Variants in NOL4L observed in about 807,000 individuals in gnomAD.
NOL4L encodes the protein nucleolar protein 4-like.
NOL4L carries 7 observed loss-of-function variants against 64.5 expected under a neutral mutation model. The observed-to-expected ratio is 0.11, with a 90% CI of 0.06 to 0.20. The LOEUF (loss-of-function observed/expected upper bound fraction) is 0.20, where lower values mean the gene tolerates loss of function less well. Among genes scored for constraint, NOL4L ranks in the 10% least tolerant of loss-of-function variants. NOL4L has a pLI of 1.00. For synonymous variants in NOL4L, 413 were observed against 401.0 expected, an observed-to-expected ratio of 1.03 and a Z score of -0.36; for missense variants, 680 against 967.1, an observed-to-expected ratio of 0.70 and a Z score of 3.94.
At position 32,527,884 on chromosome 20, in the gene NOL4L, G is replaced by A; in HGVS notation, c.351C>T (p.Gly117=). Residue 117 remains glycine, a synonymous_variant, in exon 2 of 11, where the codon GGC becomes GGT. Transcript: ENST00000621426. ...CCACAGCGACCCGCTTCAGAGAGAT[G>A]CCCTCTGGCTCCGACAGGCCATCTG... ...SGADGLSEPE[G]ISLKRVAVVE... 1.3e-6 allele frequency: 2 copies of A among 1,550,558 alleles called. No individual in the cohort carries two copies. The highest frequency in any genetic ancestry group is 1.2e-5 in the South Asian group (1 of 84,068).
At chr20:32,549,496 T>G (rs1352987634) in intron 1 of NOL4L, among the ~76,000 whole-genome samples, 4 of 152,298 alleles carry the variant, frequency 2.6e-5, no homozygotes, top group African/African-American at 4.8e-5. Flanking sequence ...CTCATGCCTG[T>G]GATCCTAGCA....
At chr20:32,520,989 C>A in intron 2 of NOL4L, 67 bp from the exon 3 acceptor site, 1 of 1,059,222 alleles carries the variant, frequency 9.4e-7, no homozygotes, top group Non-Finnish European at 1.4e-6. Flanking sequence ...ATGGGGTCAC[C>A]AAGGTCTGAG....
At chr20:32,559,636 A>G (rs1978875045) in intron 1 of NOL4L, among the ~76,000 whole-genome samples, 1 of 152,162 alleles carries the variant, frequency 6.6e-6, no homozygotes, top group African/African-American at 2.4e-5. Context: ...CAAATAGCGG[A>G]GCAGGGATTG....
chr20:32,575,536 T>C (rs1433954676), intron 1 of NOL4L, among the ~76,000 whole-genome samples: 1 of 152,206 alleles, frequency 6.6e-6, no homozygotes, highest in Non-Finnish European at 1.5e-5. Context: ...GCCCTGGGGC[T>C]GCTCAGGGCC....
At chr20:32,497,488 A>C (rs1568658231) in intron 4 of NOL4L, among the ~76,000 whole-genome samples, 1 of 152,248 alleles carries the variant, frequency 6.6e-6, no homozygotes, top group East Asian at 1.9e-4. Context: ...AAGCAAGGAA[A>C]ACCAGGGACG....
intron 1 of NOL4L, among the ~76,000 whole-genome samples, chr20:32,578,677 C>A (rs1275234371): frequency 6.6e-6 from 1 of 152,214 alleles, no homozygotes; most frequent in Non-Finnish European, 1.5e-5. Flanking sequence ...GACAGCAGAG[C>A]CTTTTCCAGT....
At chr20:32,476,024 G>A (rs1231842137) in intron 4 of NOL4L, among the ~76,000 whole-genome samples, 3 of 151,964 alleles carry the variant, frequency 2.0e-5, no homozygotes, top group Admixed American at 6.6e-5. Flanking sequence ...GTCCCCACGC[G>A]GCACACCCAG....
At chr20:32,513,446 G>C (rs570516759) in intron 3 of NOL4L, among the ~76,000 whole-genome samples, 5 of 152,336 alleles carry the variant, frequency 3.3e-5, no homozygotes, top group African/African-American at 1.2e-4. Flanking sequence ...CTGGGGACTG[G>C]TGGCTGAGGG....
At chr20:32,562,944 AG>A (rs1412065894) in intron 1 of NOL4L, among the ~76,000 whole-genome samples, 1 of 1,134 alleles carries the variant, frequency 8.8e-4, no homozygotes, top group Non-Finnish European at 1.4e-3. Flanking sequence ...AGGAGGGTGG[AG>A]GGGAGGGAGG....
At chr20:32,472,198 ATGTT>A (rs933628032) in intron 5 of NOL4L, among the ~76,000 whole-genome samples, 1 of 152,152 alleles carries the variant, frequency 6.6e-6, no homozygotes, top group African/African-American at 2.4e-5. Flanking sequence ...GTCTCAGTAA[ATGTT>A]TGTTCGTTTG....
chr20:32,453,270 G>A lies in NOL4L; in HGVS notation c.1497+34C>T, dbSNP rs181863721. The A allele has an allele frequency of 3.6e-4, 584 of 1,601,534 alleles. 13 individuals carry two copies. In the East Asian group the frequency reaches 0.012, roughly 32 times the overall value. The stretch of plus-strand genomic sequence containing the variant: ...GTGGCAGGAGGTCAGTAGTGGCACC[G>A]AGGGAAAGTGTGGGCCAGGCAGGGG... On this transcript the variant is annotated intron_variant, in intron 8 of 10. Coordinates refer to ENST00000621426, the MANE Select transcript of NOL4L (RefSeq NM_001256798.2). This position sits in a 1 kb window ranked among gnomAD's most constrained non-coding sequence, Gnocchi z 5.6.
intron 10 of NOL4L, chr20:32,451,761 G>C (rs2012927336): frequency 6.5e-6 from 1 of 153,112 alleles, no homozygotes. Flanking sequence ...CTGAGGCCTG[G>C]GGAGGGAGCC....
intron 1 of NOL4L, among the ~76,000 whole-genome samples, chr20:32,565,761 T>C (rs1310440705): frequency 6.6e-6 from 1 of 152,256 alleles, no homozygotes; most frequent in Non-Finnish European, 1.5e-5. Context: ...TGTTAGGTTC[T>C]GGTTTTAAAC....
At chr20:32,448,901 C>T (rs533021846) in intron 10 of NOL4L, among the ~76,000 whole-genome samples, 5 of 152,286 alleles carry the variant, frequency 3.3e-5, no homozygotes, top group Admixed American at 2.0e-4. Flanking sequence ...CCTCAGAGCC[C>T]TCATCTGCCA....
intron 6 of NOL4L, chr20:32,454,026 G>A (rs2013215430): frequency 2.1e-6 from 1 of 477,628 alleles, no homozygotes; most frequent in African/African-American, 1.9e-5. Flanking sequence ...TGGTTCCCGG[G>A]GCTGCTGAGC....
chr20:32,533,297 T>A (rs147844253), intron 1 of NOL4L: 54 of 152,370 alleles, frequency 3.5e-4, no homozygotes, highest in African/African-American at 1.1e-3. Context: ...ATTACAGCAA[T>A]GGTCCTTAGA....
At chr20:32,582,521 G>A (rs1980544908) in intron 1 of NOL4L, among the ~76,000 whole-genome samples, 1 of 152,102 alleles carries the variant, frequency 6.6e-6, no homozygotes, top group Non-Finnish European at 1.5e-5. Context: ...GACTGCTCCA[G>A]ATGCCCACTC....
intron 1 of NOL4L, among the ~76,000 whole-genome samples, chr20:32,533,792 A>G (rs1457771248): frequency 6.6e-6 from 1 of 152,168 alleles, no homozygotes; most frequent in African/African-American, 2.4e-5. Flanking sequence ...TTTTCCTCAG[A>G]TGGATCTGAA....
chr20:32,458,517 C>T (rs1361785475), intron 5 of NOL4L, among the ~76,000 whole-genome samples: 1 of 152,216 alleles, frequency 6.6e-6, no homozygotes, highest in South Asian at 2.1e-4. Context: ...CAGAGAAGCC[C>T]CTGCACCTGA....
Sources: gnomAD v4.1 joint callset for allele counts (sites outside exome capture counted in the v4.1 genomes callset) on GRCh38, gnomAD v4.1.1 for gene constraint, Gnocchi (gnomAD v3.1) non-coding constraint, MANE v1.5 for transcripts, NCBI Gene and HGNC (gene_info 2026-07-23, HGNC 2026-07-21) for gene names.